SERTAD2: variants seen among roughly 807,000 people sequenced by gnomAD.
The protein encoded by SERTAD2 is SERTA domain containing 2.
A neutral mutation model predicts 15.4 loss-of-function variants in SERTAD2; 2 were observed. The observed-to-expected ratio is 0.13, with a 90% CI of 0.05 to 0.41. SERTAD2 has a LOEUF of 0.41. Among genes scored for constraint, SERTAD2 ranks in the 10% least tolerant of loss-of-function variants. The pLI, the probability that SERTAD2 is intolerant of heterozygous loss-of-function variation, is 0.99. For missense variants in SERTAD2, 333 were observed against 409.7 expected, an observed-to-expected ratio of 0.81 and a Z score of 1.62; for synonymous variants, 180 against 178.0, an observed-to-expected ratio of 1.01 and a Z score of -0.09.
chr2:64,647,147 A>C (rs986153578), intron 1 of SERTAD2, among the ~76,000 whole-genome samples: 1 of 152,334 alleles, frequency 6.6e-6, no homozygotes, highest in Non-Finnish European at 1.5e-5. Context: ...ATTATGTGTA[A>C]CTACTTGCTG....
chr2:64,640,757 G>A (rs898411811), intron 1 of SERTAD2, among the ~76,000 whole-genome samples: 3 of 152,088 alleles, frequency 2.0e-5, no homozygotes, highest in African/African-American at 7.2e-5. Context: ...GAAGACCAAA[G>A]CCTAAAAAAC....
Position 64,635,877 on chromosome 2 carries a change from A to C in SERTAD2, c.*50T>G, listed in dbSNP as rs201775897. On this transcript the variant is annotated 3_prime_UTR_variant, in exon 2 of 2. Coordinates refer to ENST00000313349, the MANE Select transcript of SERTAD2 (RefSeq NM_014755.3). ...CACAGTGTGGAGAACTGTCAGGGTT[A>C]TGGGAACGCTCTGGGGTCTGGGTGG... 2.8e-5 allele frequency: 39 copies of C among 1,410,326 alleles called. No individual in the cohort carries two copies. Among genetic ancestry groups the C allele is most frequent in the Non-Finnish European group, 3.8e-5 (38 of 1,008,024 alleles). The allele number at this position is 1,410,326 out of a possible 1,614,324, so 87.4% of individuals were successfully genotyped here. A position where few individuals can be genotyped will look rare whatever the true frequency, so the allele number is the denominator to read the frequency against.
Position 64,635,904 on chromosome 2 carries a change from CAT to C in SERTAD2, c.*21_*22del, listed in dbSNP as rs1248004529. The C allele has an allele frequency of 4.5e-6, 7 of 1,565,038 alleles. No individual in the cohort carries two copies. The highest frequency in any genetic ancestry group is 6.2e-6 in the Non-Finnish European group (7 of 1,137,876). ...GGGAACGCTCTGGGGTCTGGGTGGG[CAT>C]AGTCGCTGGGTCCCTGGGTCTTAGG... is the stretch of plus-strand genomic sequence containing the variant. On this transcript the variant is annotated 3_prime_UTR_variant, in exon 2 of 2. Coordinates refer to ENST00000313349, the MANE Select transcript of SERTAD2 (RefSeq NM_014755.3).
intron 1 of SERTAD2, among the ~76,000 whole-genome samples, chr2:64,645,481 T>C (rs1674884234): frequency 6.6e-6 from 1 of 152,244 alleles, no homozygotes; most frequent in African/African-American, 2.4e-5. Context: ...TTTGGGGTTG[T>C]TTTCTAAAGT....
intron 1 of SERTAD2, among the ~76,000 whole-genome samples, chr2:64,643,596 A>C (rs1363867811): frequency 6.6e-6 from 1 of 152,222 alleles, no homozygotes; most frequent in Non-Finnish European, 1.5e-5. Context: ...TCGCAGGGCA[A>C]GGTGGCTCAC....
At chr2:64,647,559 A>G (rs756956375) in intron 1 of SERTAD2, among the ~76,000 whole-genome samples, 13 of 152,164 alleles carry the variant, frequency 8.5e-5, no homozygotes, top group Non-Finnish European at 1.9e-4. Context: ...TTTTCCCTAA[A>G]GATACACTGT....
intron 1 of SERTAD2, among the ~76,000 whole-genome samples, chr2:64,643,649 A>G (rs188735618): frequency 8.3e-4 from 126 of 152,308 alleles, no homozygotes; most frequent in African/African-American, 2.7e-3. Context: ...CGGGTGGATC[A>G]CGAGGTCAGG....
intron 1 of SERTAD2, among the ~76,000 whole-genome samples, chr2:64,643,463 C>T (rs746871685): frequency 6.6e-6 from 1 of 152,206 alleles, no homozygotes; most frequent in Admixed American, 6.5e-5. Context: ...CCTGCACACG[C>T]GGGATCCTGC....
In SERTAD2 at chr2:64,652,275, G is replaced by T. The variant is rs780325152; in HGVS notation, c.-5+1345C>A. Among the ~76,000 whole-genome samples the T allele has an allele frequency of 2.0e-5, 3 of 152,110 alleles. No homozygotes were observed. In the South Asian group the frequency reaches 6.2e-4, roughly 31 times the overall value. On this transcript the variant is annotated intron_variant, in intron 1 of 1. Coordinates refer to ENST00000313349, the MANE Select transcript of SERTAD2 (RefSeq NM_014755.3). ...ATATCAGAATAGACTGCTATAAAAA[G>T]GGGGAGGGATGGGAGCTGCCAGGGT...
At position 64,636,390 on chromosome 2, in the gene SERTAD2, G is replaced by A. The variant is rs201223148; in HGVS notation, c.482C>T (p.Ala161Val). ...PTAPTKLSPP[A>V]LLPEKDSFSS... ...GAAACTGTCCTTTTCTGGCAAGAGG[G>A]CTGGAGGTGACAGTTTGGTGGGAGC... The change falls in exon 2 of 2, where the codon GCC (alanine) becomes GTC (valine). Residue 161 changes from alanine (A) to valine (V), a missense_variant. By Grantham distance (64) the Ala-to-Val change is moderately conservative. Around this residue, in one of 2 missense-constraint regions of SERTAD2, gnomAD observed 332 missense variants for 392.9 expected, o/e 0.84. Coordinates refer to ENST00000313349, the MANE Select transcript of SERTAD2 (RefSeq NM_014755.3). The A allele has an allele frequency of 6.2e-6, 10 of 1,614,222 alleles. No homozygotes were observed. The East Asian group carries it at 6.7e-5, about 11-fold the overall frequency.
chr2:64,639,235 T>C (rs1674721235), intron 1 of SERTAD2, among the ~76,000 whole-genome samples: 1 of 152,256 alleles, frequency 6.6e-6, no homozygotes, highest in African/African-American at 2.4e-5. Flanking sequence ...CTGCGAACTG[T>C]TACTGGTCCA....
In SERTAD2 at chr2:64,636,327, G is replaced by A; in HGVS notation, c.545C>T (p.Thr182Ile). Reference sequence around the variant, plus strand: ...CGTGGCCGCCTCTGTGGAGGTAGATGTGGGACAGAGCTCCTCGATCTCGTC... The same window carrying A: ...CGTGGCCGCCTCTGTGGAGGTAGATATGGGACAGAGCTCCTCGATCTCGTC... The part of the protein sequence containing the change: ...ALDEIEELCP[T>I]STSTEAATAA... Residue 182 changes from threonine (T) to isoleucine (I), a missense_variant, in exon 2 of 2, where the codon ACA becomes ATA. By Grantham distance (89) the Thr-to-Ile change is moderately conservative (BLOSUM62 -1). Transcript: ENST00000313349. 6.2e-7 allele frequency: 1 copy of A among 1,614,214 alleles called. No individual in the cohort carries two copies. The highest frequency in any genetic ancestry group is 1.1e-5 in the South Asian group (1 of 91,086).
Position 64,636,069 on chromosome 2 carries a change from G to A in SERTAD2, c.803C>T (p.Ala268Val). 6.2e-7 allele frequency: 1 copy of A among 1,614,152 alleles called. No individual in the cohort carries two copies. Among genetic ancestry groups the A allele is most frequent in the Non-Finnish European group, 8.5e-7 (1 of 1,180,020 alleles). Reference sequence around the variant, plus strand: ...GGCAGACACAGGGGCCATTTTTGAGGCTGTCCCTGATGAGGAAGTGCAGGG... The same window carrying A: ...GGCAGACACAGGGGCCATTTTTGAGACTGTCCCTGATGAGGAAGTGCAGGG... Reference protein sequence around the residue: ...FDPCTSSSGTASKMAPVSADD... With the variant: ...FDPCTSSSGTVSKMAPVSADD... The change falls in exon 2 of 2, where the codon GCC (alanine) becomes GTC (valine). Residue 268 changes from alanine to valine, a missense_variant. This residue lies in a region of SERTAD2 where 332 missense variants were observed against 392.9 expected (regional missense o/e 0.84). Transcript: ENST00000313349.
intron 1 of SERTAD2, among the ~76,000 whole-genome samples, chr2:64,638,100 G>A (rs78491881): frequency 0.014 from 2,154 of 152,262 alleles, 18 homozygotes; most frequent in Middle Eastern, 0.034. Flanking sequence ...CTCCCTCACC[G>A]TCCCCGCCTC....
chr2:64,648,981 G>A (rs1004011056), intron 1 of SERTAD2, among the ~76,000 whole-genome samples: 7 of 152,116 alleles, frequency 4.6e-5, no homozygotes, highest in Non-Finnish European at 1.0e-4. Flanking sequence ...CTGATAGCAC[G>A]GAAGACACAG....
At chr2:64,652,804 C>G (rs1675040494) in intron 1 of SERTAD2, among the ~76,000 whole-genome samples, 1 of 151,976 alleles carries the variant, frequency 6.6e-6, no homozygotes, top group South Asian at 2.1e-4. Context: ...AAACCTAAAA[C>G]TCGACTCCCA....
chr2:64,633,520 AATC>A lies in SERTAD2; in HGVS notation c.*2404_*2406del, dbSNP rs1475862215. The A allele has an allele frequency of 2.6e-5, 4 of 152,272 alleles. No homozygotes were observed. Among genetic ancestry groups the A allele is most frequent in the Non-Finnish European group, 1.5e-5 (1 of 68,044 alleles). The allele number at this position is 152,272 out of a possible 1,614,324, so 9.4% of individuals were successfully genotyped here. A position where few individuals can be genotyped will look rare whatever the true frequency, so the allele number is the denominator to read the frequency against. ...ACTGTTTTACCCTGTTATTGTTCAG[AATC>A]ATCAATACTATTGTATATGTGTACG... On this transcript the variant is annotated 3_prime_UTR_variant, in exon 2 of 2. Transcript: ENST00000313349.
At position 64,635,924 on chromosome 2, in the gene SERTAD2, G is replaced by C; in HGVS notation, c.*3C>G. On this transcript the variant is annotated 3_prime_UTR_variant, in exon 2 of 2. Transcript: ENST00000313349. Reference sequence around the variant, plus strand: ...GTGGGCATAGTCGCTGGGTCCCTGGGTCTTAGGACCCAACAAGCACCTCCA... The same window carrying C: ...GTGGGCATAGTCGCTGGGTCCCTGGCTCTTAGGACCCAACAAGCACCTCCA... 6.2e-7 allele frequency: 1 copy of C among 1,609,168 alleles called. No individual in the cohort carries two copies. Among genetic ancestry groups the C allele is most frequent in the Non-Finnish European group, 8.5e-7 (1 of 1,175,834 alleles).
rs1342703610 is a variant in SERTAD2 at position 64,634,823 on chromosome 2, G to C, written c.*1104C>G. ...TCATCATAAAAATTATGCCAAAAAGGAAAGATCTGGGTTTTCATTAAAAAA... is the reference window on the plus strand; with the variant it reads ...TCATCATAAAAATTATGCCAAAAAGCAAAGATCTGGGTTTTCATTAAAAAA... On this transcript the variant is annotated 3_prime_UTR_variant, in exon 2 of 2. Transcript: ENST00000313349. 6.6e-6 allele frequency: 1 copy of C among 152,284 alleles called. No individual in the cohort carries two copies. The highest frequency in any genetic ancestry group is 1.5e-5 in the Non-Finnish European group (1 of 68,032). 9.4% of individuals were successfully genotyped at this position (152,284 alleles called of 1,614,324 possible). A position where few individuals can be genotyped will look rare whatever the true frequency, so the allele number is the denominator to read the frequency against.
Sources: allele counts gnomAD v4.1 joint callset (sites outside exome capture counted in the v4.1 genomes callset), GRCh38; gene constraint gnomAD v4.1.1; regional missense constraint gnomAD v4.1.1; transcripts MANE v1.5; gene names NCBI Gene and HGNC (gene_info 2026-07-23, HGNC 2026-07-21).